Variants in LTK observed in about 807,000 individuals in gnomAD.
LTK encodes leukocyte tyrosine kinase receptor.
LTK carries 117 observed loss-of-function variants against 101.5 expected under a neutral mutation model. The ratio of observed to expected loss-of-function variants is 1.15; its 90% CI spans 0.99 to 1.34. The LOEUF (loss-of-function observed/expected upper bound fraction) is 1.34, where lower values mean the gene tolerates loss of function less well. Among genes scored for constraint, LTK ranks in the 40% most tolerant of loss-of-function variants. LTK has a pLI of 0.00. For synonymous variants in LTK, 563 were observed against 494.2 expected (o/e 1.14, Z -1.85); for missense variants, 1,252 against 1,164.7 (o/e 1.07, Z -1.09).
At chr15:41,507,445 C>T in intron 10 of LTK, 117 bp downstream of exon 10, 1 of 1,548,352 alleles carries the variant, frequency 6.5e-7, no homozygotes, top group Non-Finnish European at 8.7e-7. Context: ...AGGAGTCTAC[C>T]ACGGCTCTGC....
intron 7 of LTK, 92 bp from the exon 8 acceptor site, chr15:41,509,221 C>T (rs2051380012): frequency 1.3e-6 from 1 of 791,624 alleles, no homozygotes; most frequent in Middle Eastern, 2.7e-4. Flanking sequence ...GTGTGGCCCT[C>T]TCTTCTCCAG....
In LTK at chr15:41,507,285, G is replaced by A; in HGVS notation, c.1351C>T (p.Gln451Ter). The change falls in exon 11 of 20, where the codon CAG (glutamine) becomes TAG (stop). Residue 451 changes from glutamine (Q) to a stop codon, truncating the protein, a stop_gained. Transcript: ENST00000263800. LOFTEE classifies it high-confidence loss of function. ...MVCGVLILVKQKKWQGLQEMR... is the reference protein window; with the variant it reads ...MVCGVLILVK The stretch of plus-strand genomic sequence containing the variant: ...TCCTGCAGGCCCTGCCACTTCTTCT[G>A]CTTCACTGGGGGTGGGAAGAATAAC... 1 of 1,593,768 alleles carries A rather than the reference G, an allele frequency of 6.3e-7. No individual in the cohort carries two copies. Among genetic ancestry groups the A allele is most frequent in the Non-Finnish European group, 8.5e-7 (1 of 1,170,894 alleles).
chr15:41,504,521 C>T lies in LTK; in HGVS notation c.2240G>A (p.Gly747Asp). The T allele has an allele frequency of 4.3e-6, 7 of 1,613,292 alleles. No individual in the cohort carries two copies. Among genetic ancestry groups the T allele is most frequent in the Non-Finnish European group, 5.9e-6 (7 of 1,179,670 alleles). Residue 747 changes from glycine (G) to aspartate (D), a missense_variant, in exon 18 of 20, where the codon GGC becomes GAC. By Grantham distance (94) the Gly-to-Asp change is moderately conservative (BLOSUM62 -1). Coordinates refer to ENST00000263800, the MANE Select transcript of LTK (RefSeq NM_002344.6). ...VGGGRMDPPR[G>D]CPGPVYRIMT... ...CTCAACTCACACAGGCCCTGGGCAG[C>T]CCCTAGGAGGGTCCATCCGGCCTCC...
chr15:41,506,279 G>T (rs575699021), intron 11 of LTK, among the ~76,000 whole-genome samples: 1 of 152,336 alleles, frequency 6.6e-6, no homozygotes, highest in East Asian at 1.9e-4. Context: ...CCCTGGGCGG[G>T]AGGCAATCCC....
At position 41,503,988 on chromosome 15, in the gene LTK, C is replaced by T. The variant is rs756442849; in HGVS notation, c.*8G>A. On this transcript the variant is annotated 3_prime_UTR_variant, in exon 20 of 20. Coordinates refer to ENST00000263800, the MANE Select transcript of LTK (RefSeq NM_002344.6). ...GCCTCAGTCCTTACCCTCAGGGCCCCTTGGGGCTCAGGAGCGATAAGTGGG... is the reference window on the plus strand; with the variant it reads ...GCCTCAGTCCTTACCCTCAGGGCCCTTTGGGGCTCAGGAGCGATAAGTGGG... The T allele has an allele frequency of 1.9e-6, 3 of 1,591,314 alleles. No homozygotes were observed. The highest frequency in any genetic ancestry group is 1.8e-5 in the Admixed American group (1 of 56,370).
At chr15:41,504,914 C>G (rs775228501) in intron 16 of LTK, 40 bp from the exon 17 acceptor site, 7 of 1,601,490 alleles carry the variant, frequency 4.4e-6, no homozygotes, top group Non-Finnish European at 6.0e-6. Flanking sequence ...TGTTCACCAC[C>G]AAGGTGCGGG....
At chr15:41,505,825 GAGAGGGGGTTAACCCT>G (rs745750146) in intron 12 of LTK, 48 bp from the exon 13 acceptor site, 1 of 1,607,022 alleles carries the variant, frequency 6.2e-7, no homozygotes, top group Non-Finnish European at 8.5e-7. Context: ...CACGCTTCAG[GAGAGGGGGTTAACCCT>G]AGCTCTAGTC....
Position 41,507,204 on chromosome 15 carries a change from T to C in LTK, c.1432A>G (p.Arg478Gly), listed in dbSNP as rs780633645. Residue 478 changes from arginine to glycine, a missense_variant, in exon 11 of 20, where the codon AGG (arginine) becomes GGG (glycine). Transcript: ENST00000263800. ...CAATAATAGGGATTGGGGGCTGTCC[T>C]GATGGCAGAGGTTCGAAGCTTGCTC... ...ELSKLRTSAI[R>G]TAPNPYYCQV... The C allele has an allele frequency of 1.9e-6, 3 of 1,613,822 alleles. No individual in the cohort carries two copies. The Admixed American group carries it at 5.0e-5, about 27-fold the overall frequency.
chr15:41,505,278 C>A lies in LTK; in HGVS notation c.1855G>T (p.Asp619Tyr). Residue 619 changes from aspartate (D) to tyrosine (Y), a missense_variant, in exon 15 of 20, where the codon GAC becomes TAC. Asp to Tyr is a radical substitution (Grantham distance 160). Coordinates refer to ENST00000263800, the MANE Select transcript of LTK (RefSeq NM_002344.6). ...ATGTCCTGGGCCAGTTGCAGCAGGTCCCGCATGACCAGAGGTGATGGCTGG... is the reference window on the plus strand; with the variant it reads ...ATGTCCTGGGCCAGTTGCAGCAGGTACCGCATGACCAGAGGTGATGGCTGG... Reference protein sequence around the residue: ...LGQPSPLVMRDLLQLAQDIAQ... With the variant: ...LGQPSPLVMRYLLQLAQDIAQ... The A allele has an allele frequency of 6.2e-7, 1 of 1,613,974 alleles. No homozygotes were observed. The highest frequency in any genetic ancestry group is 8.5e-7 in the Non-Finnish European group (1 of 1,179,990).
intron 9 of LTK, 66 bp from the exon 10 acceptor site, chr15:41,507,723 C>T: frequency 6.6e-7 from 1 of 1,504,090 alleles, no homozygotes; most frequent in Non-Finnish European, 9.0e-7. Flanking sequence ...CAAGTTTTAC[C>T]CACGCTTCAA....
At position 41,504,393 on chromosome 15, in the gene LTK, C is replaced by G; in HGVS notation, c.2295G>C (p.Glu765Asp). The change falls in exon 19 of 20, where the codon GAG (glutamate) becomes GAC (aspartate). Residue 765 changes from glutamate to aspartate, a missense_variant. By Grantham distance (45) the Glu-to-Asp change is conservative. Coordinates refer to ENST00000263800, the MANE Select transcript of LTK (RefSeq NM_002344.6). Reference protein sequence around the residue: ...IMTQCWQHEPELRPSFASILE... With the variant: ...IMTQCWQHEPDLRPSFASILE... ...AGATGCTGGCAAAGCTAGGGCGGAGCTCAGGCTCGTGCTGCCAACACTGGG... is the reference window on the plus strand; with the variant it reads ...AGATGCTGGCAAAGCTAGGGCGGAGGTCAGGCTCGTGCTGCCAACACTGGG... 3 of 1,614,160 alleles carry G rather than the reference C, an allele frequency of 1.9e-6. No homozygotes were observed. The South Asian group carries it at 3.3e-5, about 18-fold the overall frequency.
In LTK at chr15:41,505,322, G is replaced by A. The variant is rs756837730; in HGVS notation, c.1828-17C>T. ...TGGCTGGCCCTGGGTCAGGCAGAGG[G>A]GGCATCAGTCCATGTAGGTCTCAGA... is the stretch of plus-strand genomic sequence containing the variant. On this transcript the variant is annotated splice_polypyrimidine_tract_variant and intron_variant, in intron 14 of 19. Coordinates refer to ENST00000263800, the MANE Select transcript of LTK (RefSeq NM_002344.6). 2.4e-5 allele frequency: 39 copies of A among 1,613,782 alleles called. No homozygotes were observed. The highest frequency in any genetic ancestry group is 3.0e-5 in the Non-Finnish European group (35 of 1,179,758).
At position 41,509,060 on chromosome 15, in the gene LTK, C is replaced by G. The variant is rs1330934641; in HGVS notation, c.1067G>C (p.Ser356Thr). 6.2e-7 allele frequency: 1 copy of G among 1,612,824 alleles called. No individual in the cohort carries two copies. The highest frequency in any genetic ancestry group is 8.5e-7 in the Non-Finnish European group (1 of 1,179,416). ...CAGAGGCTGCAGGAAGAGCTCGCTG[C>G]TGGGGTGTATGAAGGATACTCCATC... is the stretch of plus-strand genomic sequence containing the variant. ...GEDGVSFIHPSSELFLQPLAV... is the reference protein window; with the variant it reads ...GEDGVSFIHPTSELFLQPLAV... Residue 356 changes from serine (S) to threonine (T), a missense_variant, in exon 8 of 20, where the codon AGC becomes ACC. Physicochemically the swap from Ser to Thr is moderately conservative, Grantham distance 58 (BLOSUM62 1). Coordinates refer to ENST00000263800, the MANE Select transcript of LTK (RefSeq NM_002344.6).
chr15:41,505,003 C>T lies in LTK; in HGVS notation c.1987G>A (p.Gly663Arg), dbSNP rs757138946. The T allele has an allele frequency of 6.2e-7, 1 of 1,613,472 alleles. No homozygotes were observed. The highest frequency in any genetic ancestry group is 1.7e-5 in the Admixed American group (1 of 59,940). ...ATATCTCGTGCCATCCCAAAGTCCC[C>T]AATCTTGGCCACTCGGCTGGGTCCA... Reference protein sequence around the residue: ...CAGPSRVAKIGDFGMARDIYR... With the variant: ...CAGPSRVAKIRDFGMARDIYR... Residue 663 changes from glycine (G) to arginine (R), a missense_variant, in exon 16 of 20, where the codon GGG becomes AGG. Physicochemically the swap from Gly to Arg is moderately radical, Grantham distance 125. Coordinates refer to ENST00000263800, the MANE Select transcript of LTK (RefSeq NM_002344.6).
chr15:41,505,853 T>G, intron 12 of LTK, 62 bp downstream of exon 12: 2 of 1,601,000 alleles, frequency 1.2e-6, no homozygotes, highest in Non-Finnish European at 1.7e-6. Context: ...GCTCTAGTCA[T>G]TGTCCTTCCC....
rs752575788 is a variant in LTK at position 41,512,129 on chromosome 15, C to G, written c.496G>C (p.Asp166His). 7 of 1,610,080 alleles carry G rather than the reference C, an allele frequency of 4.3e-6. No homozygotes were observed. The highest frequency in any genetic ancestry group is 5.9e-6 in the Non-Finnish European group (7 of 1,178,318). The change falls in exon 4 of 20, where the codon GAC becomes CAC. Residue 166 changes from aspartate to histidine, a missense_variant. Physicochemically the swap from Asp to His is moderately conservative, Grantham distance 81. Transcript: ENST00000263800. ...LYILVGQQGE[D>H]ACPGGSPESQ... The stretch of plus-strand genomic sequence containing the variant: ...GCTGCGCTCACTCCGGGACAGGCGT[C>G]CTCTCCCTGCTGCCCCACCAGGATG...
intron 9 of LTK, 137 bp from the exon 10 acceptor site, chr15:41,507,794 A>G: frequency 2.1e-6 from 2 of 944,494 alleles, no homozygotes; most frequent in South Asian, 3.5e-5. Context: ...GGCAAAAGCA[A>G]CCTCTCCCTC....
rs1366774741 is a variant in LTK at position 41,511,392 on chromosome 15, C to T, written c.814+30G>A. The T allele has an allele frequency of 2.2e-6, 3 of 1,370,994 alleles. No homozygotes were observed. Among genetic ancestry groups the T allele is most frequent in the East Asian group, 3.1e-5 (1 of 32,494 alleles). 84.9% of individuals were successfully genotyped at this position (1,370,994 alleles called of 1,614,324 possible). ...GGTTGGCAGCCACACGGGGAGCACG[C>T]CCGCCTCTCCCCGCGGCCCGCGCCC... On this transcript the variant is annotated intron_variant, in intron 6 of 19. Transcript: ENST00000263800. This position sits in a 1 kb window ranked among gnomAD's most constrained non-coding sequence, Gnocchi z 5.9.
intron 15 of LTK, 52 bp from the exon 16 acceptor site, chr15:41,505,116 T>A (rs764263421): frequency 1.3e-6 from 2 of 1,585,740 alleles, no homozygotes; most frequent in African/African-American, 2.7e-5. Context: ...TTCTTGCTCT[T>A]CCTGATCTAT....
Sources: allele counts gnomAD v4.1 joint callset (sites outside exome capture counted in the v4.1 genomes callset), GRCh38; gene constraint gnomAD v4.1.1; non-coding constraint Gnocchi (gnomAD v3.1); transcripts MANE v1.5; gene names NCBI Gene and HGNC (gene_info 2026-07-23, HGNC 2026-07-21).